The following TRABD2B variants were observed in gnomAD, a reference collection of about 807,000 sequenced individuals.
TRABD2B encodes TraB domain containing 2B.
Under a neutral mutation model 40.1 loss-of-function variants are expected in TRABD2B, and 14 were observed. The observed-to-expected ratio is 0.35, with a 90% confidence interval of 0.23 to 0.55. The LOEUF is 0.55. Among genes scored for constraint, TRABD2B ranks in the 20% least tolerant of loss-of-function variants. The pLI is 0.90. For synonymous variants in TRABD2B, 263 were observed against 277.0 expected (o/e 0.95, Z 0.50); for missense variants, 541 against 648.6 (o/e 0.83, Z 1.80).
intron 2 of TRABD2B, among the ~76,000 whole-genome samples, chr1:47,900,708 C>G (rs1160745902): frequency 6.6e-6 from 1 of 152,166 alleles, no homozygotes; most frequent in African/African-American, 2.4e-5. Flanking sequence ...TTGGTGTCAG[C>G]TAAGTGCTCC....
chr1:47,993,879 C>CAGGT (rs753713265), intron 2 of TRABD2B, among the ~76,000 whole-genome samples, 155 bp downstream of exon 2: 24 of 152,212 alleles, frequency 1.6e-4, no homozygotes, highest in Non-Finnish European at 2.9e-4. Flanking sequence ...CCAGAGCAGC[C>CAGGT]AGGTGCTGCC....
At chr1:47,844,926 T>G (rs1439653516) in intron 2 of TRABD2B, among the ~76,000 whole-genome samples, 1 of 152,142 alleles carries the variant, frequency 6.6e-6, no homozygotes, top group Non-Finnish European at 1.5e-5. Context: ...TGCAGTTCTT[T>G]GAGCAAGACA....
intron 2 of TRABD2B, among the ~76,000 whole-genome samples, chr1:47,860,226 A>T (rs2124552153): frequency 6.6e-6 from 1 of 152,240 alleles, no homozygotes. Flanking sequence ...ACTCTCCTTC[A>T]AATTCCTGAA....
rs569464733 is a variant in TRABD2B at position 47,889,523 on chromosome 1, C to T, written c.667-87904G>A. Among the ~76,000 whole-genome samples the T allele has an allele frequency of 3.3e-5, 5 of 152,312 alleles. No homozygotes were observed. In the East Asian group the frequency reaches 9.7e-4, roughly 29 times the overall value. On this transcript the variant is annotated intron_variant, in intron 2 of 6. Transcript: ENST00000606738. ...TGTGGGGATAAGACCTTGGAAGTGA[C>T]TCAAGCCACTGTTGACTCTGCCAAT...
In TRABD2B at chr1:47,794,627, C is replaced by T. The variant is rs143604482; in HGVS notation, c.947G>A (p.Arg316Gln). 430 of 1,535,802 alleles carry T rather than the reference C, an allele frequency of 2.8e-4. No individual in the cohort carries two copies. The African/African-American group carries it at 4.1e-3, about 15-fold the overall frequency. Residue 316 changes from arginine (R) to glutamine (Q), a missense_variant, in exon 4 of 7, where the codon CGG becomes CAG. Coordinates refer to ENST00000606738, the MANE Select transcript of TRABD2B (RefSeq NM_001194986.2). ...RMGKRVMALL[R>Q]ENEDKICFFA... ...GAAGCAGATCTTGTCCTCGTTCTCC[C>T]GTAGAAGCGCCATGACCCTCTTCCC...
intron 2 of TRABD2B, among the ~76,000 whole-genome samples, chr1:47,893,350 C>A (rs551888487): frequency 6.6e-6 from 1 of 152,288 alleles, no homozygotes; most frequent in Non-Finnish European, 1.5e-5. Context: ...GGGGGCCAGG[C>A]AGAGGGAGTG....
chr1:47,903,356 A>G (rs1644628959), intron 2 of TRABD2B, among the ~76,000 whole-genome samples: 1 of 152,020 alleles, frequency 6.6e-6, no homozygotes, highest in African/African-American at 2.4e-5. Context: ...ACAGAGACCC[A>G]GCTGTGCCTC....
rs777867093 is a variant in TRABD2B at position 47,876,813 on chromosome 1, C to A, written c.667-75194G>T. Among the ~76,000 whole-genome samples, 2 of 152,212 alleles carry A rather than the reference C, an allele frequency of 1.3e-5. 1 individual carries two copies. Among genetic ancestry groups the A allele is most frequent in the African/African-American group, 4.8e-5 (2 of 41,452 alleles). The stretch of plus-strand genomic sequence containing the variant: ...ACTCTTTATATACGCACATACTAAG[C>A]ACCAACTGTTTGCCAGGCACTGGGC... On this transcript the variant is annotated intron_variant, in intron 2 of 6. Transcript: ENST00000606738.
At chr1:47,889,373 G>C (rs560969432) in intron 2 of TRABD2B, among the ~76,000 whole-genome samples, 9 of 152,310 alleles carry the variant, frequency 5.9e-5, no homozygotes, top group African/African-American at 1.9e-4. Context: ...CACCTCTCAG[G>C]GTTTGGGGGG....
At chr1:47,965,250 GA>G (rs1396730509) in intron 2 of TRABD2B, among the ~76,000 whole-genome samples, 4 of 123,288 alleles carry the variant, frequency 3.2e-5, no homozygotes, top group African/African-American at 1.2e-4. Context: ...GAGGTGGGGG[GA>G]AAGTTTCAAC....
intron 2 of TRABD2B, among the ~76,000 whole-genome samples, chr1:47,825,177 C>G (rs1645158876): frequency 6.6e-6 from 1 of 152,184 alleles, no homozygotes; most frequent in Non-Finnish European, 1.5e-5. Context: ...TCTTCCAAAT[C>G]TGGGGTCTCA....
At chr1:47,895,635 A>C (rs1302758613) in intron 2 of TRABD2B, among the ~76,000 whole-genome samples, 1 of 152,220 alleles carries the variant, frequency 6.6e-6, no homozygotes, top group Non-Finnish European at 1.5e-5. Flanking sequence ...GCTTGGCTGC[A>C]GGGCCCAAGG....
At chr1:47,780,543 G>C (rs1644506800) in intron 4 of TRABD2B, among the ~76,000 whole-genome samples, 1 of 152,120 alleles carries the variant, frequency 6.6e-6, no homozygotes. Flanking sequence ...CACTAAGTAT[G>C]ATGGAGAGGG....
intron 6 of TRABD2B, among the ~76,000 whole-genome samples, chr1:47,769,163 A>G (rs1392778010): frequency 7.0e-6 from 1 of 142,662 alleles, no homozygotes; most frequent in East Asian, 2.3e-4. Context: ...TTTCTTTTCT[A>G]ATGAAAACAA....
At chr1:47,911,134 A>G (rs1644757521) in intron 2 of TRABD2B, among the ~76,000 whole-genome samples, 2 of 152,238 alleles carry the variant, frequency 1.3e-5, no homozygotes, top group African/African-American at 4.8e-5. Flanking sequence ...TGTGTAATAG[A>G]AAGCCAGCCT....
At chr1:47,957,225 C>G (rs535493766) in intron 2 of TRABD2B, among the ~76,000 whole-genome samples, 195 of 152,182 alleles carry the variant, frequency 1.3e-3, no homozygotes, top group African/African-American at 4.2e-3. Flanking sequence ...CATCAGAGAC[C>G]AAAAGTAGAT....
chr1:47,953,974 G>C (rs931628), intron 2 of TRABD2B, among the ~76,000 whole-genome samples: 138,375 of 152,254 alleles, frequency 0.91, 63,953 homozygotes, highest in Non-Finnish European at 0.99. Flanking sequence ...CTTCTTTCAA[G>C]AGTTCTCATT....
intron 2 of TRABD2B, among the ~76,000 whole-genome samples, chr1:47,970,892 G>A (rs997820973): frequency 2.6e-5 from 4 of 152,140 alleles, no homozygotes; most frequent in Admixed American, 6.5e-5. Context: ...GTCTGCTAGC[G>A]TCTCACTGGC....
intron 2 of TRABD2B, among the ~76,000 whole-genome samples, chr1:47,959,642 C>T (rs1056375782): frequency 6.6e-6 from 1 of 152,148 alleles, no homozygotes; most frequent in Non-Finnish European, 1.5e-5. Context: ...GACACATACA[C>T]CCTCCCAAGA....
Sources: gnomAD v4.1 joint callset for allele counts (sites outside exome capture counted in the v4.1 genomes callset) on GRCh38, gnomAD v4.1.1 for gene constraint, MANE v1.5 for transcripts, NCBI Gene and HGNC (gene_info 2026-07-23, HGNC 2026-07-21) for gene names.